Variants in DNAJC13 observed in about 807,000 individuals in gnomAD.
The protein encoded by DNAJC13 is dnaJ homolog subfamily C member 13.
DNAJC13 carries 75 observed loss-of-function variants against 290.5 expected under a neutral mutation model. The ratio of observed to expected loss-of-function variants is 0.26; its 90% CI spans 0.21 to 0.31. The LOEUF (loss-of-function observed/expected upper bound fraction) is 0.31, where lower values mean the gene tolerates loss of function less well. Among genes scored for constraint, DNAJC13 ranks in the 10% least tolerant of loss-of-function variants. The probability of loss-of-function intolerance (pLI) is 1.00; values close to 1 mark genes in which losing one functional copy is unlikely to be tolerated. For missense variants in DNAJC13, 2,260 were observed against 2,674.5 expected, an observed-to-expected ratio of 0.85 and a Z score of 3.42; for synonymous variants, 862 against 892.0, an observed-to-expected ratio of 0.97 and a Z score of 0.60.
chr3:132,502,157 T>C (rs926662078), intron 39 of DNAJC13, 132 bp from the exon 40 acceptor site: 8 of 699,144 alleles, frequency 1.1e-5, no homozygotes, highest in East Asian at 2.8e-5. Flanking sequence ...GAATTGAAAA[T>C]GTAAGAAGAG....
At chr3:132,507,551 A>C (rs1003969027) in intron 43 of DNAJC13, among the ~76,000 whole-genome samples, 198 bp downstream of exon 43, 2 of 151,778 alleles carry the variant, frequency 1.3e-5, no homozygotes. Context: ...TTCCAATAGC[A>C]TGTGTTCACT....
intron 41 of DNAJC13, among the ~76,000 whole-genome samples, chr3:132,505,004 A>G (rs1378633402): frequency 2.0e-5 from 3 of 152,216 alleles, no homozygotes; most frequent in Non-Finnish European, 2.9e-5. Flanking sequence ...GAATTTCACC[A>G]TGGCACAGCA....
At chr3:132,490,614 A>G (rs1935032795) in intron 31 of DNAJC13, among the ~76,000 whole-genome samples, 2 of 152,210 alleles carry the variant, frequency 1.3e-5, no homozygotes, top group African/African-American at 4.8e-5. Context: ...GTCAAAGGCC[A>G]GTCGTCCTAA....
At chr3:132,425,323 AT>A (rs1219602672) in intron 1 of DNAJC13, among the ~76,000 whole-genome samples, 6 of 152,158 alleles carry the variant, frequency 3.9e-5, no homozygotes, top group Non-Finnish European at 1.5e-5. Flanking sequence ...GGAATGTAGC[AT>A]TGTTTCTGTT....
At chr3:132,522,794 G>A (rs1936130131) in intron 48 of DNAJC13, 34 bp from the exon 49 acceptor site, 2 of 1,545,124 alleles carry the variant, frequency 1.3e-6, no homozygotes, top group African/African-American at 2.8e-5. Flanking sequence ...GTTTCCAATA[G>A]GTGTCTTTTT....
chr3:132,473,166 G>A lies in DNAJC13; in HGVS notation c.2230G>A (p.Val744Ile), dbSNP rs760994258. 20 of 1,611,304 alleles carry A rather than the reference G, an allele frequency of 1.2e-5. No individual in the cohort carries two copies. Among genetic ancestry groups the A allele is most frequent in the Non-Finnish European group, 1.7e-5 (20 of 1,179,040 alleles). Residue 744 changes from valine to isoleucine, a missense_variant, in exon 21 of 56, where the codon GTT (valine) becomes ATT (isoleucine). By Grantham distance (29) the Val-to-Ile change is conservative (BLOSUM62 3). This residue lies in a region of DNAJC13 where 762 missense variants were observed against 964.1 expected (regional missense o/e 0.79). Transcript: ENST00000260818. Reference protein sequence around the residue: ...QKENINQKPVVLRKRRQRIKI... With the variant: ...QKENINQKPVILRKRRQRIKI... ...CCAGAATATAAATCAGAAGCCAGTG[G>A]TTCTTCGAAAGAGAAGACAAAGAAT...
Position 132,480,461 on chromosome 3 carries a change from A to G in DNAJC13, c.2865A>G (p.Val955=). The change falls in exon 26 of 56, where the codon GTA becomes GTG. Residue 955 remains valine (V), a synonymous_variant. Transcript: ENST00000260818. The stretch of plus-strand genomic sequence containing the variant: ...ATCTCCATGTAAGCCGAGCTACAGT[A>G]CCACTGCAAGTACGTATCCTTGTTT... ...LAHLHVSRAT[V]PLQSNVIEAA... 6.2e-7 allele frequency: 1 copy of G among 1,609,260 alleles called. No homozygotes were observed. Among genetic ancestry groups the G allele is most frequent in the South Asian group, 1.1e-5 (1 of 90,720 alleles).
intron 9 of DNAJC13, among the ~76,000 whole-genome samples, chr3:132,455,613 A>G (rs1302857665): frequency 6.6e-6 from 1 of 152,200 alleles, no homozygotes; most frequent in African/African-American, 2.4e-5. Context: ...AACAGACAAA[A>G]TGTTGCCTGT....
intron 1 of DNAJC13, among the ~76,000 whole-genome samples, chr3:132,425,662 T>C (rs1939070731): frequency 6.6e-6 from 1 of 152,160 alleles, no homozygotes; most frequent in Non-Finnish European, 1.5e-5. Context: ...GTTGTCATAT[T>C]TGTGTAAAAA....
intron 20 of DNAJC13, chr3:132,472,635 T>C: frequency 1.0e-6 from 1 of 964,642 alleles, no homozygotes; most frequent in Non-Finnish European, 1.2e-6. Flanking sequence ...GGAGTCATCT[T>C]TGATATTCTC....
chr3:132,456,983 G>A (rs538504899), intron 12 of DNAJC13, 151 bp downstream of exon 12: 50 of 940,046 alleles, frequency 5.3e-5, no homozygotes, highest in Non-Finnish European at 6.2e-5. Flanking sequence ...GAAAAAGGAA[G>A]GTGAGGGCAG....
chr3:132,458,305 C>T (rs1395184871), intron 13 of DNAJC13: 4 of 152,244 alleles, frequency 2.6e-5, no homozygotes, highest in South Asian at 2.1e-4. Context: ...CAAGCTTAGT[C>T]GTACATAAAC....
chr3:132,483,690 G>A, intron 28 of DNAJC13, 113 bp downstream of exon 28: 1 of 1,114,892 alleles, frequency 9.0e-7, no homozygotes, highest in South Asian at 1.5e-5. Flanking sequence ...TTGGAGGAAT[G>A]CTGTTTTGAC....
chr3:132,449,284 C>T (rs1206710544), intron 5 of DNAJC13, among the ~76,000 whole-genome samples: 1 of 152,090 alleles, frequency 6.6e-6, no homozygotes, highest in Non-Finnish European at 1.5e-5. Flanking sequence ...CTTGGTTGGC[C>T]CCTGCAATCC....
Position 132,449,406 on chromosome 3 carries a change from G to A in DNAJC13, c.337-1241G>A, listed in dbSNP as rs569604587. Among the ~76,000 whole-genome samples, 5 of 152,238 alleles carry A rather than the reference G, an allele frequency of 3.3e-5. No individual in the cohort carries two copies. In the South Asian group the frequency reaches 1.0e-3, roughly 32 times the overall value. The stretch of plus-strand genomic sequence containing the variant: ...GTCTTGAGGCATGTAAACAAGTATA[G>A]TTTGGAAAGCTCCACAATTTTTGTG... On this transcript the variant is annotated intron_variant, in intron 5 of 55. Coordinates refer to ENST00000260818, the MANE Select transcript of DNAJC13 (RefSeq NM_015268.4).
In DNAJC13 at chr3:132,516,824, C is replaced by A; in HGVS notation, c.5673+8C>A. On this transcript the variant is annotated splice_region_variant and intron_variant, in intron 48 of 55. Coordinates refer to ENST00000260818, the MANE Select transcript of DNAJC13 (RefSeq NM_015268.4). Reference sequence around the variant, plus strand: ...AAACTGATAGGTCCAAAGGTAGGCACAAAATAAGTTCTTGAAAGGAAATTA... The same window carrying A: ...AAACTGATAGGTCCAAAGGTAGGCAAAAAATAAGTTCTTGAAAGGAAATTA... 2 of 1,593,004 alleles carry A rather than the reference C, an allele frequency of 1.3e-6. No individual in the cohort carries two copies. The highest frequency in any genetic ancestry group is 1.7e-6 in the Non-Finnish European group (2 of 1,166,670).
chr3:132,527,680 A>G (rs2107750181), intron 53 of DNAJC13, among the ~76,000 whole-genome samples: 1 of 152,334 alleles, frequency 6.6e-6, no homozygotes, highest in Middle Eastern at 3.4e-3. Flanking sequence ...ATTTCTTCCT[A>G]TTCCCTCTGA....
At chr3:132,524,368 T>G (rs1042731002) in intron 51 of DNAJC13, among the ~76,000 whole-genome samples, 1 of 152,202 alleles carries the variant, frequency 6.6e-6, no homozygotes, top group Non-Finnish European at 1.5e-5. Flanking sequence ...ATAAGGTGAT[T>G]AAGAGCCTGA....
chr3:132,505,531 T>C (rs1481754825), intron 42 of DNAJC13, 116 bp downstream of exon 42: 3 of 676,536 alleles, frequency 4.4e-6, no homozygotes, highest in Non-Finnish European at 7.6e-6. Context: ...TCAGTCAGTA[T>C]GGCTTTCTGC....
Sources: gnomAD v4.1 joint callset for allele counts (sites outside exome capture counted in the v4.1 genomes callset) on GRCh38, gnomAD v4.1.1 for gene constraint, gnomAD v4.1.1 regional missense constraint, MANE v1.5 for transcripts, NCBI Gene and HGNC (gene_info 2026-07-23, HGNC 2026-07-21) for gene names.